Variants in TMEM39B observed in about 807,000 individuals in gnomAD.
TMEM39B encodes the protein transmembrane protein 39B.
TMEM39B carries 23 observed loss-of-function variants against 52.2 expected under a neutral mutation model. The ratio of observed to expected loss-of-function variants is 0.44; its 90% CI spans 0.32 to 0.62. The LOEUF is 0.62. Among genes scored for constraint, TMEM39B ranks in the 20% least tolerant of loss-of-function variants. The pLI is 0.06. For synonymous variants in TMEM39B, 285 were observed against 264.0 expected (o/e 1.08, Z -0.77); for missense variants, 547 against 642.0 (o/e 0.85, Z 1.60).
At chr1:32,073,691 G>A in intron 1 of TMEM39B, 2 of 985,468 alleles carry the variant, frequency 2.0e-6, no homozygotes, top group Non-Finnish European at 2.4e-6. Flanking sequence ...AGAGCTTCTG[G>A]TCTGGGGGTT....
Position 32,077,276 on chromosome 1 carries a change from T to G in TMEM39B, c.548T>G (p.Phe183Cys), listed in dbSNP as rs777580521. The G allele has an allele frequency of 1.9e-6, 3 of 1,614,100 alleles. No homozygotes were observed. The South Asian group carries it at 3.3e-5, about 18-fold the overall frequency. ...CTGTGCCGATCCCTCATCCACCTCT[T>G]CAGGACCTACTCCTTCCTGAACCTC... ...WSLCRSLIHL[F>C]RTYSFLNLLF... The change falls in exon 5 of 9, where the codon TTC (phenylalanine) becomes TGC (cysteine). Residue 183 changes from phenylalanine (F) to cysteine (C), a missense_variant. Coordinates refer to ENST00000336294, the MANE Select transcript of TMEM39B (RefSeq NM_018056.4).
At chr1:32,080,519 T>C (rs958305115) in intron 5 of TMEM39B, among the ~76,000 whole-genome samples, 1 of 151,456 alleles carries the variant, frequency 6.6e-6, no homozygotes, top group Non-Finnish European at 1.5e-5. Context: ...TACAAAAAAC[T>C]AGCCGGGCAT....
At chr1:32,101,743 C>T (rs1331606676) in intron 8 of TMEM39B, among the ~76,000 whole-genome samples, 1 of 152,226 alleles carries the variant, frequency 6.6e-6, no homozygotes, top group African/African-American at 2.4e-5. Flanking sequence ...TTTCCTACCA[C>T]TTCTCCTGTC....
intron 5 of TMEM39B, among the ~76,000 whole-genome samples, chr1:32,079,367 G>A (rs1266288205): frequency 4.6e-5 from 7 of 151,824 alleles, no homozygotes; most frequent in Non-Finnish European, 7.4e-5. Flanking sequence ...TGTATTTTTA[G>A]TAGAGACAGG....
At chr1:32,075,873 T>A in intron 3 of TMEM39B, 51 bp downstream of exon 3, 2 of 1,200,528 alleles carry the variant, frequency 1.7e-6, no homozygotes, top group Non-Finnish European at 2.3e-6. Flanking sequence ...TGCGTGTGTG[T>A]GTATGTGTGT....
intron 8 of TMEM39B, among the ~76,000 whole-genome samples, chr1:32,101,471 A>G (rs944086660): frequency 7.3e-5 from 11 of 151,308 alleles, no homozygotes; most frequent in Admixed American, 4.0e-4. Flanking sequence ...CCAAAATCCA[A>G]TATATGGGAC....
At chr1:32,076,413 G>C (rs1210139161) in intron 3 of TMEM39B, among the ~76,000 whole-genome samples, 1 of 152,092 alleles carries the variant, frequency 6.6e-6, no homozygotes, top group African/African-American at 2.4e-5. Flanking sequence ...GCCCGGCCAG[G>C]AGCTGAGAGT....
chr1:32,087,410 G>A (rs1640404029), intron 5 of TMEM39B: 1 of 150,378 alleles, frequency 6.6e-6, no homozygotes, highest in Admixed American at 6.6e-5. Flanking sequence ...GATCACCTGA[G>A]GTCAGGAGTT....
chr1:32,076,986 C>A, intron 4 of TMEM39B, 140 bp downstream of exon 4: 1 of 1,266,156 alleles, frequency 7.9e-7, no homozygotes, highest in Non-Finnish European at 1.1e-6. Flanking sequence ...ACATTAGTTA[C>A]ATCCCATCTT....
At chr1:32,091,621 G>A (rs1640605494) in intron 5 of TMEM39B, 54 bp from the exon 6 acceptor site, 2 of 1,535,484 alleles carry the variant, frequency 1.3e-6, no homozygotes, top group Non-Finnish European at 1.8e-6. Context: ...GTGGCTGAGA[G>A]TTGGGATCCT....
At position 32,084,469 on chromosome 1, in the gene TMEM39B, T is replaced by C. The variant is rs536354090; in HGVS notation, c.590+7151T>C. Among the ~76,000 whole-genome samples the C allele has an allele frequency of 5.9e-5, 9 of 152,342 alleles. No individual in the cohort carries two copies. In the South Asian group the frequency reaches 1.9e-3, roughly 32 times the overall value. On this transcript the variant is annotated intron_variant, in intron 5 of 8. Transcript: ENST00000336294. ...GGAGTAAATTATCAGGTAATTACTT[T>C]AACAATGGGTACGTTGGAGATGAGT... is the stretch of plus-strand genomic sequence containing the variant.
intron 5 of TMEM39B, among the ~76,000 whole-genome samples, chr1:32,080,621 C>G (rs187794707): frequency 6.7e-6 from 1 of 148,308 alleles, no homozygotes; most frequent in Admixed American, 6.8e-5. Context: ...GAGCCAAGAT[C>G]GCACCACTGC....
At chr1:32,097,505 T>C (rs1170627691) in intron 7 of TMEM39B, among the ~76,000 whole-genome samples, 1 of 151,540 alleles carries the variant, frequency 6.6e-6, no homozygotes, top group Non-Finnish European at 1.5e-5. Context: ...TAATTTTTTG[T>C]ATTTTTAGTA....
intron 5 of TMEM39B, among the ~76,000 whole-genome samples, chr1:32,088,260 C>T (rs1236252073): frequency 1.4e-5 from 2 of 145,552 alleles, no homozygotes; most frequent in African/African-American, 5.1e-5. Flanking sequence ...ACCAAAAATA[C>T]AAAAAAATTA....
chr1:32,083,021 G>T (rs964073276), intron 5 of TMEM39B, among the ~76,000 whole-genome samples: 4 of 143,742 alleles, frequency 2.8e-5, no homozygotes, highest in Non-Finnish European at 6.0e-5. Flanking sequence ...TGATCCACCC[G>T]CCTCAGCCTC....
chr1:32,084,556 G>A (rs1241512048), intron 5 of TMEM39B, among the ~76,000 whole-genome samples: 1 of 152,026 alleles, frequency 6.6e-6, no homozygotes, highest in East Asian at 1.9e-4. Flanking sequence ...TTGGCTGAAT[G>A]TAGATTTCTT....
chr1:32,102,804 C>G lies in TMEM39B; in HGVS notation c.*131C>G, dbSNP rs757369114. ...CCACCAGAGCTTTGTATTTTTGTTA[C>G]GTACTGTTTCTTTGATAATTGATGT... On this transcript the variant is annotated 3_prime_UTR_variant, in exon 9 of 9. Coordinates refer to ENST00000336294, the MANE Select transcript of TMEM39B (RefSeq NM_018056.4). 4 of 1,072,170 alleles carry G rather than the reference C, an allele frequency of 3.7e-6. No individual in the cohort carries two copies. The African/African-American group carries it at 6.5e-5, about 17-fold the overall frequency. The allele number at this position is 1,072,170 out of a possible 1,614,324, so 66.4% of individuals were successfully genotyped here.
At chr1:32,072,829 CAA>C, upstream of TMEM39B, 3 of 562,294 alleles carry the variant, frequency 5.3e-6, no homozygotes, top group Non-Finnish European at 9.3e-6. Flanking sequence ...GACCGAGAGA[CAA>C]AGAGCGCGCA....
At position 32,091,836 on chromosome 1, in the gene TMEM39B, G is replaced by A. The variant is rs778051412; in HGVS notation, c.752G>A (p.Arg251Lys). 2 of 1,614,240 alleles carry A rather than the reference G, an allele frequency of 1.2e-6. No individual in the cohort carries two copies. Among genetic ancestry groups the A allele is most frequent in the East Asian group, 4.5e-5 (2 of 44,892 alleles). The change falls in exon 6 of 9, where the codon AGA becomes AAA. Residue 251 changes from arginine to lysine, a missense_variant. Physicochemically the swap from Arg to Lys is conservative, Grantham distance 26. Coordinates refer to ENST00000336294, the MANE Select transcript of TMEM39B (RefSeq NM_018056.4). Reference protein sequence around the residue: ...TLRETWKQHTRQLYGPDAMPT... With the variant: ...TLRETWKQHTKQLYGPDAMPT... ...CGGGAGACGTGGAAGCAGCACACAA[G>A]ACAGCTGTATGGCCCGGACGCCATG...
Sources: allele counts gnomAD v4.1 joint callset (sites outside exome capture counted in the v4.1 genomes callset), GRCh38; gene constraint gnomAD v4.1.1; transcripts MANE v1.5; gene names NCBI Gene and HGNC (gene_info 2026-07-23, HGNC 2026-07-21).